The following GPBAR1 variants were observed in gnomAD, a reference collection of about 807,000 sequenced individuals.
GPBAR1 encodes the protein G protein-coupled bile acid receptor 1.
In GPBAR1, 13 loss-of-function variants were observed where a neutral mutation model predicts 13.0. That is an observed-to-expected ratio of 1.00 (90% CI 0.65 to 1.59). The LOEUF is 1.59. Ranked by LOEUF, GPBAR1 falls within the 40% of genes most tolerant of loss-of-function variation. The pLI is 0.00. For missense variants in GPBAR1, 398 were observed against 436.4 expected (o/e 0.91, Z 0.78); for synonymous variants, 193 against 205.2 (o/e 0.94, Z 0.51).
rs764225683 is a variant in GPBAR1 at position 218,263,649 on chromosome 2, G to A, written c.925G>A (p.Asp309Asn). ...LQGLWGRASR[D>N]SPGPSIAYHP... ...GGGGCTGTGGGGAAGAGCCTCCCGG[G>A]ACAGTCCCGGCCCCAGCATTGCCTA... Residue 309 changes from aspartate to asparagine, a missense_variant, in exon 2 of 2, where the codon GAC becomes AAC. Coordinates refer to ENST00000519574, the MANE Select transcript of GPBAR1 (RefSeq NM_170699.3). The surrounding 1 kb of genome is among the most constrained non-coding windows in gnomAD (Gnocchi z 4.2). 2 of 1,612,894 alleles carry A rather than the reference G, an allele frequency of 1.2e-6. No homozygotes were observed. Among genetic ancestry groups the A allele is most frequent in the Admixed American group, 3.3e-5 (2 of 60,030 alleles).
chr2:218,259,916 T>G (rs999488258), upstream of GPBAR1: 1 of 152,292 alleles, frequency 6.6e-6, no homozygotes, highest in Non-Finnish European at 1.5e-5. Flanking sequence ...AAAGCACCAC[T>G]TCTGGCTTCC....
At chr2:218,260,848 C>T (rs1407273984), upstream of GPBAR1, among the ~76,000 whole-genome samples, 1 of 152,114 alleles carries the variant, frequency 6.6e-6, no homozygotes, top group Non-Finnish European at 1.5e-5. Flanking sequence ...TCAGATTACT[C>T]CGAGCTGGAG....
rs561380828 is a variant in GPBAR1 at position 218,262,781 on chromosome 2, G to T, written c.57G>T (p.Gly19=). ...VPSPIPKGAL[G]LSLALASLII... ...GCCCCATTCCCAAGGGGGCTTTGGGGCTCTCCCTGGCCCTGGCAAGCCTCA... is the reference window on the plus strand; with the variant it reads ...GCCCCATTCCCAAGGGGGCTTTGGGTCTCTCCCTGGCCCTGGCAAGCCTCA... The change falls in exon 2 of 2, where the codon GGG becomes GGT. Residue 19 remains glycine (G), a synonymous_variant. Coordinates refer to ENST00000519574, the MANE Select transcript of GPBAR1 (RefSeq NM_170699.3). The surrounding 1 kb of genome is among the most constrained non-coding windows in gnomAD (Gnocchi z 5.1). 25 of 1,610,862 alleles carry T rather than the reference G, an allele frequency of 1.6e-5. No homozygotes were observed. The South Asian group carries it at 2.4e-4, about 16-fold the overall frequency.
At position 218,263,508 on chromosome 2, in the gene GPBAR1, C is replaced by CTGT. The variant is rs760707018; in HGVS notation, c.788_790dup (p.Leu263dup). ...GCGCCCGCCACTGGGGCCTGGGACA[C>CTGT]TGTTGTCCCTCCTCTCCCTAGGAAG... is the stretch of plus-strand genomic sequence containing the variant. On this transcript the variant is annotated inframe_insertion, in exon 2 of 2. Transcript: ENST00000519574. This position sits in a 1 kb window ranked among gnomAD's most constrained non-coding sequence, Gnocchi z 4.2. The CTGT allele has an allele frequency of 9.3e-6, 15 of 1,611,284 alleles. No individual in the cohort carries two copies. In the South Asian group the frequency reaches 1.7e-4, roughly 18 times the overall value.
intron 1 of GPBAR1, among the ~76,000 whole-genome samples, 171 bp downstream of exon 1, chr2:218,261,387 T>C (rs551817757): frequency 1.3e-5 from 2 of 151,944 alleles, no homozygotes; most frequent in Admixed American, 6.5e-5. Context: ...TGGAGGTGGG[T>C]TGGGGGGAAT....
Position 218,263,179 on chromosome 2 carries a change from G to A in GPBAR1, c.455G>A (p.Gly152Asp). The change falls in exon 2 of 2, where the codon GGT becomes GAT. Residue 152 changes from glycine (G) to aspartate (D), a missense_variant. Coordinates refer to ENST00000519574, the MANE Select transcript of GPBAR1 (RefSeq NM_170699.3). The surrounding 1 kb of genome is among the most constrained non-coding windows in gnomAD (Gnocchi z 4.2). ...CTGGGGTGGAACCACTGGACCCCTG[G>A]TGCCAACTGCAGCTCCCAGGCTATC... The part of the protein sequence containing the change: ...PALGWNHWTP[G>D]ANCSSQAIFP... The A allele has an allele frequency of 6.2e-7, 1 of 1,610,476 alleles. No homozygotes were observed. The highest frequency in any genetic ancestry group is 8.5e-7 in the Non-Finnish European group (1 of 1,179,848).
rs1484811171 is a variant in GPBAR1, at chr2:218,262,449, G to A, written c.-45-231G>A. Reference sequence around the variant, plus strand: ...GAAGGGCAGCCAGCAGTGAGCTCCGGCTGGTTGCTACCACACAGGACATAT... The same window carrying A: ...GAAGGGCAGCCAGCAGTGAGCTCCGACTGGTTGCTACCACACAGGACATAT... On this transcript the variant is annotated intron_variant, in intron 1 of 1. Transcript: ENST00000519574. The surrounding 1 kb of genome is among the most constrained non-coding windows in gnomAD (Gnocchi z 5.1). The A allele has an allele frequency of 2.2e-6, 1 of 445,158 alleles. No homozygotes were observed. Among genetic ancestry groups the A allele is most frequent in the African/African-American group, 2.0e-5 (1 of 50,912 alleles). 27.6% of individuals were successfully genotyped at this position (445,158 alleles called of 1,614,324 possible). A position where few individuals can be genotyped will look rare whatever the true frequency, so the allele number is the denominator to read the frequency against.
In GPBAR1 at chr2:218,263,592, C is replaced by A. The variant is rs1472226298; in HGVS notation, c.868C>A (p.Pro290Thr). Residue 290 changes from proline (P) to threonine (T), a missense_variant, in exon 2 of 2, where the codon CCC (proline) becomes ACC (threonine). Physicochemically the swap from Pro to Thr is conservative, Grantham distance 38. Transcript: ENST00000519574. The surrounding 1 kb of genome is among the most constrained non-coding windows in gnomAD (Gnocchi z 4.2). Reference sequence around the variant, plus strand: ...GCTGGGCGATCAGCGCTACACAGCCCCCTGGAGGGCAGCCGCCCAAAGGTG... The same window carrying A: ...GCTGGGCGATCAGCGCTACACAGCCACCTGGAGGGCAGCCGCCCAAAGGTG... ...MGLGDQRYTA[P>T]WRAAAQRCLQ... 1 of 1,612,768 alleles carries A rather than the reference C, an allele frequency of 6.2e-7. No individual in the cohort carries two copies. The highest frequency in any genetic ancestry group is 1.3e-5 in the African/African-American group (1 of 75,056).
chr2:218,262,662 G>A lies in GPBAR1; in HGVS notation c.-45-18G>A. The A allele has an allele frequency of 6.8e-7, 1 of 1,464,596 alleles. No homozygotes were observed. Among genetic ancestry groups the A allele is most frequent in the South Asian group, 1.4e-5 (1 of 71,486 alleles). 90.7% of individuals were successfully genotyped at this position (1,464,596 alleles called of 1,614,324 possible). On this transcript the variant is annotated intron_variant, in intron 1 of 1. Coordinates refer to ENST00000519574, the MANE Select transcript of GPBAR1 (RefSeq NM_170699.3). This position sits in a 1 kb window ranked among gnomAD's most constrained non-coding sequence, Gnocchi z 5.1. Reference sequence around the variant, plus strand: ...CGACCTGCAGCCCCATCCTAACTCTGGCCACCCCATCCTGCAGGCATGCCG... The same window carrying A: ...CGACCTGCAGCCCCATCCTAACTCTAGCCACCCCATCCTGCAGGCATGCCG...
Position 218,262,777 on chromosome 2 carries a change from T to C in GPBAR1, c.53T>C (p.Leu18Ser). 6.2e-7 allele frequency: 1 copy of C among 1,610,950 alleles called. No homozygotes were observed. Among genetic ancestry groups the C allele is most frequent in the Non-Finnish European group, 8.5e-7 (1 of 1,178,506 alleles). The change falls in exon 2 of 2, where the codon TTG becomes TCG. Residue 18 changes from leucine to serine, a missense_variant. Coordinates refer to ENST00000519574, the MANE Select transcript of GPBAR1 (RefSeq NM_170699.3). The surrounding 1 kb of genome is among the most constrained non-coding windows in gnomAD (Gnocchi z 5.1). ...EVPSPIPKGALGLSLALASLI... is the reference protein window; with the variant it reads ...EVPSPIPKGASGLSLALASLI... ...CCCAGCCCCATTCCCAAGGGGGCTT[T>C]GGGGCTCTCCCTGGCCCTGGCAAGC...
chr2:218,263,054 C>A lies in GPBAR1; in HGVS notation c.330C>A (p.Arg110=). 6.2e-7 allele frequency: 1 copy of A among 1,613,746 alleles called. No homozygotes were observed. Among genetic ancestry groups the A allele is most frequent in the African/African-American group, 1.3e-5 (1 of 75,004 alleles). Residue 110 remains arginine (R), a synonymous_variant, in exon 2 of 2, where the codon CGC becomes CGA. Transcript: ENST00000519574. This position sits in a 1 kb window ranked among gnomAD's most constrained non-coding sequence, Gnocchi z 4.2. Reference sequence around the variant, plus strand: ...ACCTCTTGCTGGTGCACGGGGAGCGCTACATGGCAGTCCTGAGGCCACTCC... The same window carrying A: ...ACCTCTTGCTGGTGCACGGGGAGCGATACATGGCAGTCCTGAGGCCACTCC... ...LANLLLVHGE[R]YMAVLRPLQP...
At position 218,262,289 on chromosome 2, in the gene GPBAR1, G is replaced by A. The variant is rs940973953; in HGVS notation, c.-45-391G>A. 11 of 168,124 alleles carry A rather than the reference G, an allele frequency of 6.5e-5. No homozygotes were observed. The highest frequency in any genetic ancestry group is 3.1e-4 in the South Asian group (2 of 6,524). The allele number at this position is 168,124 out of a possible 1,614,324, so 10.4% of individuals were successfully genotyped here. On this transcript the variant is annotated intron_variant, in intron 1 of 1. Transcript: ENST00000519574. The surrounding 1 kb of genome is among the most constrained non-coding windows in gnomAD (Gnocchi z 5.1). ...CATTCTCTCATTTAGAGGCCTCCCC[G>A]GTGGAGGCAGGGATACACAAAATGC...
upstream of GPBAR1, chr2:218,260,976 C>T (rs1690397915): frequency 6.6e-6 from 1 of 152,154 alleles, no homozygotes; most frequent in Non-Finnish European, 1.5e-5. Context: ...GAGGCGGGGC[C>T]AGGGCTGAGT....
In GPBAR1 at chr2:218,263,700, G is replaced by T. The variant is rs200372685; in HGVS notation, c.976G>T (p.Asp326Tyr). The T allele has an allele frequency of 6.2e-7, 1 of 1,612,916 alleles. No individual in the cohort carries two copies. The highest frequency in any genetic ancestry group is 8.5e-7 in the Non-Finnish European group (1 of 1,179,884). The change falls in exon 2 of 2, where the codon GAC (aspartate) becomes TAC (tyrosine). Residue 326 changes from aspartate to tyrosine, a missense_variant. Transcript: ENST00000519574. This position sits in a 1 kb window ranked among gnomAD's most constrained non-coding sequence, Gnocchi z 4.2. ...CCACCCAAGCAGCCAAAGCAGTGTC[G>T]ACCTGGACTTGAACTAAAGGAAGGG... is the stretch of plus-strand genomic sequence containing the variant. ...AYHPSSQSSV[D>Y]LDLN
chr2:218,261,817 C>T (rs1241498419), intron 1 of GPBAR1, among the ~76,000 whole-genome samples: 1 of 152,142 alleles, frequency 6.6e-6, no homozygotes, highest in African/African-American at 2.4e-5. Flanking sequence ...CCCAGGACCC[C>T]TCCCCCTGTC....
In GPBAR1 at chr2:218,263,246, G is replaced by C. The variant is rs1311536124; in HGVS notation, c.522G>C (p.Leu174=). The change falls in exon 2 of 2, where the codon CTG becomes CTC. Residue 174 remains leucine (L), a synonymous_variant. Transcript: ENST00000519574. This position sits in a 1 kb window ranked among gnomAD's most constrained non-coding sequence, Gnocchi z 4.2. ...PYLYLEVYGL[L]LPAVGAAAFL... is the part of the protein sequence containing the mutation. ...TGTACCTCGAAGTCTATGGGCTCCT[G>C]CTGCCCGCCGTGGGTGCTGCTGCCT... The C allele has an allele frequency of 2.5e-6, 4 of 1,607,698 alleles. No individual in the cohort carries two copies. In the African/African-American group the frequency reaches 5.3e-5, roughly 21 times the overall value.
upstream of GPBAR1, chr2:218,259,576 T>C (rs1690363984): frequency 6.6e-6 from 1 of 152,406 alleles, no homozygotes; most frequent in African/African-American, 2.4e-5. Context: ...GAGGATGGAC[T>C]TGAGGCTGGA....
chr2:218,263,659 G>GTA lies in GPBAR1; in HGVS notation c.935_936insTA (p.Pro313ThrfsTer18), dbSNP rs764513481. ...GGAAGAGCCTCCCGGGACAGTCCCG[G>GTA]CCCCAGCATTGCCTACCACCCAAGC... On this transcript the variant is annotated frameshift_variant, in exon 2 of 2. Transcript: ENST00000519574. LOFTEE classifies it high-confidence loss of function. This position sits in a 1 kb window ranked among gnomAD's most constrained non-coding sequence, Gnocchi z 4.2. The GTA allele has an allele frequency of 1.2e-6, 2 of 1,612,852 alleles. No individual in the cohort carries two copies. The highest frequency in any genetic ancestry group is 4.5e-5 in the East Asian group (2 of 44,854).
At position 218,262,997 on chromosome 2, in the gene GPBAR1, TC is replaced by T. The variant is rs1690481936; in HGVS notation, c.276del (p.Asn93ThrfsTer23). On this transcript the variant is annotated frameshift_variant, in exon 2 of 2. Transcript: ENST00000519574. LOFTEE classifies it high-confidence loss of function. This position sits in a 1 kb window ranked among gnomAD's most constrained non-coding sequence, Gnocchi z 5.1. ...YWSCLLVYLA[P>X]NFSFLSLLAN... is the part of the protein sequence containing the mutation. Reference sequence around the variant, plus strand: ...GGTCCTGCCTCCTCGTCTACTTGGCTCCCAACTTCTCCTTCCTCTCCCTGCT... The same window carrying T: ...GGTCCTGCCTCCTCGTCTACTTGGCTCCAACTTCTCCTTCCTCTCCCTGCT... 6.2e-7 allele frequency: 1 copy of T among 1,613,714 alleles called. No individual in the cohort carries two copies. Among genetic ancestry groups the T allele is most frequent in the African/African-American group, 1.3e-5 (1 of 74,870 alleles).
Sources: allele counts gnomAD v4.1 joint callset (sites outside exome capture counted in the v4.1 genomes callset), GRCh38; gene constraint gnomAD v4.1.1; non-coding constraint Gnocchi (gnomAD v3.1); transcripts MANE v1.5; gene names NCBI Gene and HGNC (gene_info 2026-07-23, HGNC 2026-07-21).